ITPR2: variants seen among roughly 807,000 people sequenced by gnomAD.
The protein encoded by ITPR2 is inositol 1,4,5-trisphosphate receptor type 2.
A neutral mutation model predicts 317.1 loss-of-function variants in ITPR2; 207 were observed. That is an observed-to-expected ratio of 0.65 (90% CI 0.58 to 0.73). The LOEUF (loss-of-function observed/expected upper bound fraction) is 0.73. ITPR2 is among the 30% of genes least tolerant of loss of function. The probability of loss-of-function intolerance (pLI) is 0.00; values close to 1 mark genes in which losing one functional copy is unlikely to be tolerated. For synonymous variants in ITPR2, 1,156 were observed against 1,149.1 expected (o/e 1.01, Z -0.12); for missense variants, 2,613 against 3,284.0 (o/e 0.80, Z 4.99).
intron 1 of ITPR2, among the ~76,000 whole-genome samples, chr12:26,823,059 T>C (rs1031436075): frequency 6.6e-6 from 1 of 152,046 alleles, no homozygotes; most frequent in Non-Finnish European, 1.5e-5. Context: ...TCAGCGAAAA[T>C]GCCACCTCCT....
chr12:26,804,447 GGAGT>G lies in ITPR2; in HGVS notation c.93-14224_93-14221del, dbSNP rs567408286. ...GTGCAGAGACCTCTCTTTCTGGGAG[GGAGT>G]GAGTAAGTCCTTACCCGAAAATAAT... On this transcript the variant is annotated intron_variant, in intron 1 of 56. Coordinates refer to ENST00000381340, the MANE Select transcript of ITPR2 (RefSeq NM_002223.4). 1.7e-3 allele frequency among the ~76,000 whole-genome samples: 255 copies of G among 152,196 alleles called. 1 individual carries two copies. Among genetic ancestry groups the G allele is most frequent in the Admixed American group, 3.7e-3 (57 of 15,280 alleles).
At chr12:26,347,500 T>A (rs1442506880) in intron 55 of ITPR2, among the ~76,000 whole-genome samples, 2 of 152,170 alleles carry the variant, frequency 1.3e-5, no homozygotes, top group African/African-American at 4.8e-5. Flanking sequence ...CAGATGACAA[T>A]ACTGAGGCAA....
At chr12:26,741,607 C>T (rs1045757064) in intron 2 of ITPR2, among the ~76,000 whole-genome samples, 28 of 152,130 alleles carry the variant, frequency 1.8e-4, no homozygotes, top group Non-Finnish European at 3.4e-4. Flanking sequence ...GTGGGAACCA[C>T]GAGCCTACAG....
At chr12:26,651,995 C>T (rs1947267090) in intron 21 of ITPR2, among the ~76,000 whole-genome samples, 1 of 152,234 alleles carries the variant, frequency 6.6e-6, no homozygotes, top group African/African-American at 2.4e-5. Context: ...TCCACAGCTG[C>T]TCCCTGTGCT....
chr12:26,832,541 C>T, intron 1 of ITPR2, 149 bp downstream of exon 1: 3 of 520,858 alleles, frequency 5.8e-6, no homozygotes, highest in Non-Finnish European at 6.6e-6. Flanking sequence ...AGCGAGAGAG[C>T]GGAGCGCACG....
At chr12:26,436,486 TTGAG>T in intron 47 of ITPR2, 140 bp from the exon 48 acceptor site, 4 of 702,042 alleles carry the variant, frequency 5.7e-6, no homozygotes, top group Non-Finnish European at 8.8e-6. Context: ...AATATTTGAC[TTGAG>T]TAAGTTTATT....
At chr12:26,757,752 A>C (rs367980090) in intron 2 of ITPR2, among the ~76,000 whole-genome samples, 1 of 152,218 alleles carries the variant, frequency 6.6e-6, no homozygotes, top group Non-Finnish European at 1.5e-5. Context: ...TTTGAAATAC[A>C]TGAAAATACT....
At chr12:26,428,114 GCTACTAAGAATAAAA>G (rs762212701) in intron 48 of ITPR2, 26 bp from the exon 49 acceptor site, 1 of 1,537,256 alleles carries the variant, frequency 6.5e-7, no homozygotes, top group Non-Finnish European at 8.8e-7. Flanking sequence ...GAAATTTATT[GCTACTAAGAATAAAA>G]CTAAAAAATG....
At chr12:26,591,909 C>G (rs1177410830) in intron 32 of ITPR2, among the ~76,000 whole-genome samples, 1 of 151,704 alleles carries the variant, frequency 6.6e-6, no homozygotes, top group Non-Finnish European at 1.5e-5. Context: ...TATATTCCCA[C>G]AAGAAAGGAA....
chr12:26,549,402 T>G (rs969406820), intron 37 of ITPR2, among the ~76,000 whole-genome samples: 1 of 152,166 alleles, frequency 6.6e-6, no homozygotes, highest in African/African-American at 2.4e-5. Context: ...GAATGCACTT[T>G]AAAAAACCCA....
At chr12:26,436,118 A>G in intron 48 of ITPR2, 103 bp downstream of exon 48, 1 of 1,158,434 alleles carries the variant, frequency 8.6e-7, no homozygotes, top group Admixed American at 3.1e-5. Context: ...ACAAGTATAG[A>G]AAAATCCATT....
intron 9 of ITPR2, among the ~76,000 whole-genome samples, chr12:26,707,524 G>A (rs1262895140): frequency 2.0e-5 from 3 of 152,064 alleles, no homozygotes; most frequent in East Asian, 3.9e-4. Context: ...AAAAAACCTG[G>A]GCTATTTTAT....
intron 49 of ITPR2, chr12:26,419,556 T>C: frequency 5.7e-6 from 1 of 174,970 alleles, no homozygotes; most frequent in East Asian, 1.6e-4. Context: ...TACTGTTGTG[T>C]GACCTAGTTC....
intron 34 of ITPR2, among the ~76,000 whole-genome samples, chr12:26,565,452 A>AT (rs1591906056): frequency 7.0e-6 from 1 of 142,864 alleles, no homozygotes; most frequent in South Asian, 2.1e-4. Flanking sequence ...GAAGGAAGGG[A>AT]TAAAAAAAAA....
intron 37 of ITPR2, among the ~76,000 whole-genome samples, chr12:26,513,800 C>T (rs532533605): frequency 2.2e-4 from 33 of 151,990 alleles, no homozygotes; most frequent in Middle Eastern, 6.8e-3. Context: ...ATTTTTCCCC[C>T]GCCGTGGTAG....
chr12:26,734,730 C>T (rs537484156), intron 2 of ITPR2, among the ~76,000 whole-genome samples: 35 of 151,926 alleles, frequency 2.3e-4, no homozygotes, highest in African/African-American at 8.0e-4. Context: ...TGTCCTGGTA[C>T]TGAATTAATT....
chr12:26,553,225 A>C (rs1353774420), intron 36 of ITPR2, among the ~76,000 whole-genome samples: 1 of 152,184 alleles, frequency 6.6e-6, no homozygotes, highest in Non-Finnish European at 1.5e-5. Flanking sequence ...TCTCCTTCAC[A>C]AGGGAGAAGT....
chr12:26,806,351 C>A (rs1565780100), intron 1 of ITPR2, among the ~76,000 whole-genome samples: 1 of 151,556 alleles, frequency 6.6e-6, no homozygotes, highest in Non-Finnish European at 1.5e-5. Context: ...AAAATGTTAT[C>A]CAAACATGAT....
intron 26 of ITPR2, among the ~76,000 whole-genome samples, chr12:26,608,247 C>A (rs11048610): frequency 0.13 from 19,779 of 152,246 alleles, 2,033 homozygotes; most frequent in East Asian, 0.51. Context: ...CAATCTGCAT[C>A]TCTGATAATA....
Sources: allele counts gnomAD v4.1 joint callset (sites outside exome capture counted in the v4.1 genomes callset), GRCh38; gene constraint gnomAD v4.1.1; transcripts MANE v1.5; gene names NCBI Gene and HGNC (gene_info 2026-07-23, HGNC 2026-07-21).